Variants in HSPG2 observed in about 807,000 individuals in gnomAD.
HSPG2 encodes the protein basement membrane-specific heparan sulfate proteoglycan core protein.
HSPG2 carries 278 observed loss-of-function variants against 526.6 expected under a neutral mutation model. The ratio of observed to expected loss-of-function variants is 0.53; its 90% CI spans 0.48 to 0.58. The LOEUF is 0.58. Among genes scored for constraint, HSPG2 ranks in the 20% least tolerant of loss-of-function variants. The pLI is 0.00. For synonymous variants in HSPG2, 2,465 were observed against 2,555.4 expected (o/e 0.96, Z 1.07); for missense variants, 5,354 against 6,099.5 (o/e 0.88, Z 4.07).
At chr1:21,870,003 C>T (rs1458890222) in intron 33 of HSPG2, among the ~76,000 whole-genome samples, 4 of 152,218 alleles carry the variant, frequency 2.6e-5, no homozygotes, top group Non-Finnish European at 2.9e-5. Context: ...CTTTGTGTGC[C>T]CTGGCAACAG....
intron 17 of HSPG2, 90 bp from the exon 18 acceptor site, chr1:21,879,211 CCCCATCACGCTGGAGGCA>C: frequency 6.7e-7 from 1 of 1,495,150 alleles, no homozygotes; most frequent in Non-Finnish European, 9.3e-7. Context: ...AGCTCAGCCT[CCCCATCACGCTGGAGGCA>C]CAGCTTTGCA....
At chr1:21,913,227 G>T (rs990839940) in intron 1 of HSPG2, among the ~76,000 whole-genome samples, 10 of 152,146 alleles carry the variant, frequency 6.6e-5, no homozygotes, top group Admixed American at 6.6e-4. Context: ...GGTGGCAATG[G>T]GCTAGGTCTT....
At position 21,914,929 on chromosome 1, in the gene HSPG2, C is replaced by T. The variant is rs940958241; in HGVS notation, c.64-18619G>A. On this transcript the variant is annotated intron_variant, in intron 1 of 96. Coordinates refer to ENST00000374695, the MANE Select transcript of HSPG2 (RefSeq NM_005529.7). ...TGCCTATGCCTGCCTGGGCCTTGTCCCACTCAGCACCCAGAGCCCAGCCAC... is the reference window on the plus strand; with the variant it reads ...TGCCTATGCCTGCCTGGGCCTTGTCTCACTCAGCACCCAGAGCCCAGCCAC... 2.6e-5 allele frequency among the ~76,000 whole-genome samples: 4 copies of T among 152,184 alleles called. 1 individual carries two copies. The highest frequency in any genetic ancestry group is 2.0e-4 in the Admixed American group (3 of 15,288).
At chr1:21,829,648 C>A in intron 86 of HSPG2, 44 bp from the exon 87 acceptor site, 1 of 1,533,516 alleles carries the variant, frequency 6.5e-7, no homozygotes, top group Non-Finnish European at 8.9e-7. Flanking sequence ...GATCCTGGAC[C>A]CTCGGGTGGG....
Position 21,841,211 on chromosome 1 carries a change from C to T in HSPG2, c.9403G>A (p.Val3135Ile). The change falls in exon 71 of 97, where the codon GTC becomes ATC. Residue 3135 changes from valine (V) to isoleucine (I), a missense_variant. By Grantham distance (29) the Val-to-Ile change is conservative. Transcript: ENST00000374695. The stretch of plus-strand genomic sequence containing the variant: ...GAGGAGCGGGGCTCCCCGGCACTGA[C>T]ACACTCCAGGGTGACAGCCTTTCCC... ...KVGKAVTLEC[V>I]SAGEPRSSAR... The T allele has an allele frequency of 6.2e-7, 1 of 1,613,914 alleles. No individual in the cohort carries two copies. Among genetic ancestry groups the T allele is most frequent in the Non-Finnish European group, 8.5e-7 (1 of 1,180,036 alleles).
rs1391546262 is a variant in HSPG2, at chr1:21,858,667, G to A, written c.5293+899C>T. Among the ~76,000 whole-genome samples, 2 of 152,206 alleles carry A rather than the reference G, an allele frequency of 1.3e-5. No individual in the cohort carries two copies. The highest frequency in any genetic ancestry group is 2.4e-5 in the African/African-American group (1 of 41,452). On this transcript the variant is annotated intron_variant, in intron 42 of 96. Transcript: ENST00000374695. The surrounding 1 kb of genome is among the most constrained non-coding windows in gnomAD (Gnocchi z 4.2). ...CCTGTGCTGCTGGTGGCCTAGCCAC[G>A]CTTCCCACCCCCCGTGCCCACCTGC...
chr1:21,854,044 C>T (rs1215553667), intron 50 of HSPG2, 149 bp downstream of exon 50: 1 of 876,908 alleles, frequency 1.1e-6, no homozygotes, highest in Non-Finnish European at 1.7e-6. Flanking sequence ...CTCCCGTCCA[C>T]TCAACCTCCT....
rs547200786 is a variant in HSPG2, at chr1:21,920,080, T to C, written c.63+17075A>G. Among the ~76,000 whole-genome samples, 234 of 152,334 alleles carry C rather than the reference T, an allele frequency of 1.5e-3. 2 individuals carry two copies. The highest frequency in any genetic ancestry group is 5.2e-3 in the African/African-American group (218 of 41,576). On this transcript the variant is annotated intron_variant, in intron 1 of 96. Coordinates refer to ENST00000374695, the MANE Select transcript of HSPG2 (RefSeq NM_005529.7). ...CACCACCACACCCAGCTAATTTTCA[T>C]ATTTTTAGCAGAGATGAGGTTTCAC...
chr1:21,867,183 T>C (rs1640309367), intron 33 of HSPG2, among the ~76,000 whole-genome samples: 1 of 149,070 alleles, frequency 6.7e-6, no homozygotes, highest in African/African-American at 2.5e-5. Flanking sequence ...CTCAAACTCC[T>C]GGACTCAAGC....
At chr1:21,903,455 T>C (rs1643204385) in intron 1 of HSPG2, among the ~76,000 whole-genome samples, 1 of 151,778 alleles carries the variant, frequency 6.6e-6, no homozygotes, top group South Asian at 2.1e-4. Context: ...ACAAAAATTA[T>C]CTGGGCGTGG....
At chr1:21,875,079 G>A in intron 25 of HSPG2, 77 bp from the exon 26 acceptor site, 1 of 1,025,862 alleles carries the variant, frequency 9.7e-7, no homozygotes, top group Non-Finnish European at 1.5e-6. Flanking sequence ...CACTGGCAGG[G>A]TCTTATTAGT....
At position 21,874,991 on chromosome 1, in the gene HSPG2, A is replaced by T; in HGVS notation, c.3314T>A (p.Ile1105Asn). 6.2e-7 allele frequency: 1 copy of T among 1,601,482 alleles called. No homozygotes were observed. Among genetic ancestry groups the T allele is most frequent in the Non-Finnish European group, 8.5e-7 (1 of 1,173,930 alleles). ...QQPAESRVSGISMDVAVPEET... is the reference protein window; with the variant it reads ...QQPAESRVSGNSMDVAVPEET... Reference sequence around the variant, plus strand: ...CTCGGGCACAGCCACGTCCATGCTGATGCCAGAGACCCTGGGCGTGACAAG... The same window carrying T: ...CTCGGGCACAGCCACGTCCATGCTGTTGCCAGAGACCCTGGGCGTGACAAG... The change falls in exon 26 of 97, where the codon ATC becomes AAC. Residue 1105 changes from isoleucine to asparagine, a missense_variant. Physicochemically the swap from Ile to Asn is moderately radical, Grantham distance 149. Transcript: ENST00000374695.
intron 42 of HSPG2, 64 bp from the exon 43 acceptor site, chr1:21,857,449 T>G: frequency 7.0e-7 from 1 of 1,425,826 alleles, no homozygotes; most frequent in Non-Finnish European, 9.8e-7. Context: ...GTGGCCACTT[T>G]GTCTTTCTCC....
At chr1:21,909,199 C>G (rs1643536273) in intron 1 of HSPG2, among the ~76,000 whole-genome samples, 1 of 152,184 alleles carries the variant, frequency 6.6e-6, no homozygotes, top group Non-Finnish European at 1.5e-5. Flanking sequence ...CACCATCATC[C>G]TCATCATTCA....
chr1:21,842,206 T>A, intron 68 of HSPG2, 33 bp downstream of exon 68: 1 of 1,612,566 alleles, frequency 6.2e-7, no homozygotes, highest in Non-Finnish European at 8.5e-7. Flanking sequence ...GGCCCTCCCT[T>A]CCCCCCTTGC....
At chr1:21,906,209 T>C (rs1389475583) in intron 1 of HSPG2, among the ~76,000 whole-genome samples, 1 of 152,178 alleles carries the variant, frequency 6.6e-6, no homozygotes, top group Non-Finnish European at 1.5e-5. Context: ...GAAGCCCATC[T>C]CTGGGGTGAC....
rs779453903 is a variant in HSPG2 at position 21,823,354 on chromosome 1, C to T, written c.13138G>A (p.Ala4380Thr). Reference sequence around the variant, plus strand: ...GGGCGTGTGTTGGCCCCGGCCTGGGCGCGGTGCTGCAGGTCCAGGGGCTGT... The same window carrying T: ...GGGCGTGTGTTGGCCCCGGCCTGGGTGCGGTGCTGCAGGTCCAGGGGCTGT... ...PPQPLDLQHR[A>T]QAGANTRPCP... Residue 4380 changes from alanine (A) to threonine (T), a missense_variant, in exon 97 of 97, where the codon GCC (alanine) becomes ACC (threonine). Transcript: ENST00000374695. 2.3e-5 allele frequency: 35 copies of T among 1,544,190 alleles called. No homozygotes were observed. The Middle Eastern group carries it at 1.7e-3, about 75-fold the overall frequency.
At position 21,828,563 on chromosome 1, in the gene HSPG2, T is replaced by A; in HGVS notation, c.12238-137A>T. 1 of 971,548 alleles carries A rather than the reference T, an allele frequency of 1.0e-6. No homozygotes were observed. 60.2% of individuals were successfully genotyped at this position (971,548 alleles called of 1,614,324 possible). ...TGAGTGGTAGCATGGATTCTCGGTG[T>A]GGGGAGGGAGGCGCAGGAGTTGAGT... On this transcript the variant is annotated intron_variant, in intron 88 of 96. Coordinates refer to ENST00000374695, the MANE Select transcript of HSPG2 (RefSeq NM_005529.7). This position sits in a 1 kb window ranked among gnomAD's most constrained non-coding sequence, Gnocchi z 6.0.
chr1:21,903,860 C>G (rs553413360), intron 1 of HSPG2, among the ~76,000 whole-genome samples: 20 of 152,208 alleles, frequency 1.3e-4, no homozygotes, highest in African/African-American at 4.8e-4. Flanking sequence ...AGGGGACTGG[C>G]GAGAACACTT....
Sources: gnomAD v4.1 joint callset for allele counts (sites outside exome capture counted in the v4.1 genomes callset) on GRCh38, gnomAD v4.1.1 for gene constraint, Gnocchi (gnomAD v3.1) non-coding constraint, MANE v1.5 for transcripts, NCBI Gene and HGNC (gene_info 2026-07-23, HGNC 2026-07-21) for gene names.